Variants in SEPTIN7 observed in about 807,000 individuals in gnomAD.
The protein encoded by SEPTIN7 is septin 7.
Under a neutral mutation model 63.3 loss-of-function variants are expected in SEPTIN7, and 10 were observed. The ratio of observed to expected loss-of-function variants is 0.16; its 90% CI spans 0.10 to 0.27. The LOEUF (loss-of-function observed/expected upper bound fraction) is 0.27. SEPTIN7 is among the 10% of genes least tolerant of loss of function. The probability of loss-of-function intolerance (pLI) is 1.00; values close to 1 mark genes in which losing one functional copy is unlikely to be tolerated. For synonymous variants in SEPTIN7, 131 were observed against 165.3 expected (o/e 0.79, Z 1.59); for missense variants, 310 against 521.0 (o/e 0.59, Z 3.94).
chr7:35,858,345 A>G (rs10255768), intron 3 of SEPTIN7, among the ~76,000 whole-genome samples: 49,566 of 151,928 alleles, frequency 0.33, 8,308 homozygotes, highest in East Asian at 0.41. Context: ...AGAACCAACA[A>G]TTGGTTTTGC....
intron 1 of SEPTIN7, among the ~76,000 whole-genome samples, chr7:35,804,964 G>A (rs779610629): frequency 5.3e-5 from 8 of 150,810 alleles, no homozygotes; most frequent in East Asian, 2.0e-4. Context: ...TCTCAGCCTC[G>A]CGAGTAGCTG....
intron 3 of SEPTIN7, among the ~76,000 whole-genome samples, chr7:35,840,070 G>A (rs77980373): frequency 0.017 from 2,619 of 151,978 alleles, 42 homozygotes; most frequent in Admixed American, 0.053. Flanking sequence ...GCACATACTG[G>A]CAAATTGTTC....
At chr7:35,821,621 A>G (rs1424401315) in intron 1 of SEPTIN7, among the ~76,000 whole-genome samples, 3 of 152,222 alleles carry the variant, frequency 2.0e-5, no homozygotes, top group African/African-American at 7.2e-5. Flanking sequence ...TGGAAGTGGA[A>G]TTTGTTGAAT....
chr7:35,816,365 A>G (rs1789064294), intron 1 of SEPTIN7, among the ~76,000 whole-genome samples: 1 of 152,138 alleles, frequency 6.6e-6, no homozygotes, highest in Admixed American at 6.5e-5. Flanking sequence ...TTCACTTAGC[A>G]GTGTTTTCAA....
At position 35,801,188 on chromosome 7, in the gene SEPTIN7, TG is replaced by T; in HGVS notation, c.-20del. The T allele has an allele frequency of 6.7e-7, 1 of 1,487,952 alleles. No individual in the cohort carries two copies. Among genetic ancestry groups the T allele is most frequent in the Non-Finnish European group, 9.0e-7 (1 of 1,116,420 alleles). 92.2% of individuals were successfully genotyped at this position (1,487,952 alleles called of 1,614,324 possible). On this transcript the variant is annotated 5_prime_UTR_variant, in exon 1 of 14. Transcript: ENST00000350320. ...TCGGCGGGCTGCGCTCCGCTGGGGCTGGTCGCGGAGGGGGGGAGGGGATGTC... is the reference window on the plus strand; with the variant it reads ...TCGGCGGGCTGCGCTCCGCTGGGGCTGTCGCGGAGGGGGGGAGGGGATGTC...
chr7:35,883,100 A>T, intron 8 of SEPTIN7, among the ~76,000 whole-genome samples: 1 of 152,078 alleles, frequency 6.6e-6, no homozygotes, highest in East Asian at 1.9e-4. Context: ...TAAATATGCT[A>T]ATTACCCTAA....
chr7:35,839,523 T>TTTATG (rs59165377), intron 3 of SEPTIN7, among the ~76,000 whole-genome samples: 83,983 of 148,086 alleles, frequency 0.57, 23,989 homozygotes, highest in East Asian at 0.65. Flanking sequence ...ATTTTTGTAA[T>TTTATG]TTATGTTATG....
In SEPTIN7 at chr7:35,873,436, G is replaced by A. The variant is rs41276018; in HGVS notation, c.378-205G>A. ...TTTAGCTGTGTTTCGACAGTAAATAGTTTATTTTCTTTCATTTGGAAAGTT... is the reference window on the plus strand; with the variant it reads ...TTTAGCTGTGTTTCGACAGTAAATAATTTATTTTCTTTCATTTGGAAAGTT... On this transcript the variant is annotated intron_variant, in intron 5 of 13. Coordinates refer to ENST00000350320, the MANE Select transcript of SEPTIN7 (RefSeq NM_001788.6). Among the ~76,000 whole-genome samples the A allele has an allele frequency of 4.7e-3, 722 of 152,054 alleles. 2 individuals carry two copies. The highest frequency in any genetic ancestry group is 8.9e-3 in the Non-Finnish European group (607 of 67,930).
In SEPTIN7 at chr7:35,872,033, T is replaced by A. The variant is rs565945135; in HGVS notation, c.277-633T>A. 2.8e-3 allele frequency among the ~76,000 whole-genome samples: 427 copies of A among 152,280 alleles called. 2 individuals carry two copies. Among genetic ancestry groups the A allele is most frequent in the African/African-American group, 9.5e-3 (393 of 41,560 alleles). On this transcript the variant is annotated intron_variant, in intron 4 of 13. Transcript: ENST00000350320. ...CACCCTACCAGAATACACTTTTTTTTAAAATAAAAACTGTCTGGACTTTTG... is the reference window on the plus strand; with the variant it reads ...CACCCTACCAGAATACACTTTTTTTAAAAATAAAAACTGTCTGGACTTTTG...
chr7:35,811,781 C>T (rs78859564), intron 1 of SEPTIN7, among the ~76,000 whole-genome samples: 3 of 151,720 alleles, frequency 2.0e-5, no homozygotes, highest in Non-Finnish European at 4.4e-5. Flanking sequence ...CCCAGCACTT[C>T]GGGAGGCCGA....
chr7:35,826,663 T>G (rs1783531911), intron 1 of SEPTIN7, among the ~76,000 whole-genome samples: 1 of 152,048 alleles, frequency 6.6e-6, no homozygotes, highest in African/African-American at 2.4e-5. Context: ...GGGTTGTTTT[T>G]CTCAAATTCT....
chr7:35,827,652 A>G (rs1783588223), intron 1 of SEPTIN7, among the ~76,000 whole-genome samples: 3 of 151,946 alleles, frequency 2.0e-5, no homozygotes, highest in Admixed American at 2.0e-4. Context: ...CACTATGCCC[A>G]GCTAATTTAT....
intron 1 of SEPTIN7, among the ~76,000 whole-genome samples, chr7:35,807,902 A>G (rs553494042): frequency 2.0e-4 from 30 of 152,022 alleles, no homozygotes; most frequent in African/African-American, 7.2e-4. Context: ...GGCTCACTGC[A>G]ACCTCTGCCT....
chr7:35,884,049 T>G (rs1316314565), intron 9 of SEPTIN7, 62 bp downstream of exon 9: 3 of 1,016,784 alleles, frequency 3.0e-6, no homozygotes, highest in Admixed American at 1.8e-5. Flanking sequence ...AAATTTGTAT[T>G]TATAGTAAGT....
At chr7:35,840,685 G>A (rs1784368242) in intron 3 of SEPTIN7, among the ~76,000 whole-genome samples, 1 of 152,046 alleles carries the variant, frequency 6.6e-6, no homozygotes, top group South Asian at 2.1e-4. Flanking sequence ...TTGAAGGTTA[G>A]GCTATTCATT....
At chr7:35,835,721 C>T (rs1583532344) in intron 3 of SEPTIN7, among the ~76,000 whole-genome samples, 1 of 152,204 alleles carries the variant, frequency 6.6e-6, no homozygotes, top group Non-Finnish European at 1.5e-5. Context: ...CCTGTTATTC[C>T]ACTGGAATGA....
downstream of SEPTIN7, among the ~76,000 whole-genome samples, chr7:35,909,635 T>A (rs569663451): frequency 2.0e-4 from 31 of 152,310 alleles, no homozygotes; most frequent in South Asian, 3.5e-3. Flanking sequence ...CTGCAACAAG[T>A]GTTTGTGGAG....
At chr7:35,837,548 A>G (rs1362854228) in intron 3 of SEPTIN7, among the ~76,000 whole-genome samples, 23 of 152,124 alleles carry the variant, frequency 1.5e-4, no homozygotes, top group Admixed American at 6.6e-5. Context: ...GTTAAGATTG[A>G]TGCATTGATT....
chr7:35,888,387 C>T (rs1416564500), intron 10 of SEPTIN7, among the ~76,000 whole-genome samples: 1 of 152,110 alleles, frequency 6.6e-6, no homozygotes, highest in Non-Finnish European at 1.5e-5. Context: ...TATTAGATGA[C>T]ACTAACAAAA....
Sources: allele counts gnomAD v4.1 joint callset (sites outside exome capture counted in the v4.1 genomes callset), GRCh38; gene constraint gnomAD v4.1.1; transcripts MANE v1.5; gene names NCBI Gene and HGNC (gene_info 2026-07-23, HGNC 2026-07-21).